SYT1: variants seen among roughly 807,000 people sequenced by gnomAD.
The protein encoded by SYT1 is synaptotagmin 1.
A neutral mutation model predicts 44.8 loss-of-function variants in SYT1; 8 were observed. The observed-to-expected ratio is 0.18, with a 90% CI of 0.10 to 0.32. The LOEUF (loss-of-function observed/expected upper bound fraction) is 0.32, where lower values mean the gene tolerates loss of function less well. Ranked by LOEUF, SYT1 falls within the 10% of genes least tolerant of loss-of-function variation. The pLI, the probability that SYT1 is intolerant of heterozygous loss-of-function variation, is 1.00. For missense variants in SYT1, 286 were observed against 509.3 expected, an observed-to-expected ratio of 0.56 and a Z score of 4.22; for synonymous variants, 154 against 188.8, an observed-to-expected ratio of 0.82 and a Z score of 1.51.
chr12:79,110,677 T>A (rs1013903105), intron 3 of SYT1, among the ~76,000 whole-genome samples: 8 of 152,254 alleles, frequency 5.3e-5, no homozygotes, highest in African/African-American at 7.2e-5. Context: ...ATACATTTTT[T>A]AAAAATTTAT....
At position 78,971,770 on chromosome 12, in the gene SYT1, G is replaced by C. The variant is rs1342359915; in HGVS notation, c.-216-6029G>C. On this transcript the variant is annotated intron_variant, in intron 1 of 10. Transcript: ENST00000261205. ...TAGCAGAGGCAATGTATAATGAAAAGGGCACTTTTCACTGACTAGACTGAG... is the reference window on the plus strand; with the variant it reads ...TAGCAGAGGCAATGTATAATGAAAACGGCACTTTTCACTGACTAGACTGAG... 2.6e-5 allele frequency among the ~76,000 whole-genome samples: 4 copies of C among 152,190 alleles called. No homozygotes were observed. In the East Asian group the frequency reaches 7.7e-4, roughly 29 times the overall value.
chr12:79,305,410 G>A (rs895109053), intron 8 of SYT1, among the ~76,000 whole-genome samples: 9 of 151,930 alleles, frequency 5.9e-5, no homozygotes, highest in Non-Finnish European at 1.3e-4. Flanking sequence ...CCACCCAAAG[G>A]TCTGGTCTCA....
At chr12:79,171,029 C>T (rs1871487965) in intron 3 of SYT1, among the ~76,000 whole-genome samples, 1 of 151,998 alleles carries the variant, frequency 6.6e-6, no homozygotes, top group Admixed American at 6.6e-5. Context: ...TCCGGATTCT[C>T]TATTCTGTTC....
intron 2 of SYT1, among the ~76,000 whole-genome samples, chr12:78,981,105 G>A (rs1223179391): frequency 6.9e-6 from 1 of 145,844 alleles, no homozygotes; most frequent in Non-Finnish European, 1.5e-5. Context: ...GTTTTTTGTT[G>A]TTGTTTTGTT....
chr12:79,290,332 T>A (rs1460267297), intron 5 of SYT1, among the ~76,000 whole-genome samples: 1 of 152,148 alleles, frequency 6.6e-6, no homozygotes, highest in African/African-American at 2.4e-5. Context: ...TTAGAAAATC[T>A]TGTAATTTCA....
chr12:79,305,782 C>A (rs7960281), intron 8 of SYT1, among the ~76,000 whole-genome samples: 1 of 152,082 alleles, frequency 6.6e-6, no homozygotes. Context: ...TGCAACCCCC[C>A]GCCTCCCGGG....
At chr12:79,216,892 A>G (rs1393214940) in intron 3 of SYT1, among the ~76,000 whole-genome samples, 1 of 152,196 alleles carries the variant, frequency 6.6e-6, no homozygotes, top group Non-Finnish European at 1.5e-5. Flanking sequence ...TATTGATCAG[A>G]GTATTGTTTA....
chr12:79,245,485 A>C (rs1056063105), intron 4 of SYT1, among the ~76,000 whole-genome samples: 1 of 148,898 alleles, frequency 6.7e-6, no homozygotes, highest in Non-Finnish European at 1.5e-5. Context: ...AAAAAAAAAA[A>C]AAAAGAAAAG....
At chr12:79,425,139 A>G (rs1042528609) in intron 9 of SYT1, among the ~76,000 whole-genome samples, 1 of 151,526 alleles carries the variant, frequency 6.6e-6, no homozygotes, top group African/African-American at 2.4e-5. Flanking sequence ...TGGCATTTTT[A>G]TATTTGTTCT....
At chr12:79,070,648 A>T (rs545650182) in intron 3 of SYT1, among the ~76,000 whole-genome samples, 1 of 151,966 alleles carries the variant, frequency 6.6e-6, no homozygotes, top group Non-Finnish European at 1.5e-5. Context: ...AACTAGAAAG[A>T]TGTACTAAAG....
chr12:78,866,784 T>C (rs747410072), intron 1 of SYT1, among the ~76,000 whole-genome samples: 8 of 152,154 alleles, frequency 5.3e-5, no homozygotes, highest in Non-Finnish European at 1.0e-4. Flanking sequence ...CTTTTTTTTG[T>C]CTAGAACTCC....
chr12:78,894,849 CA>C (rs149724436), intron 1 of SYT1, among the ~76,000 whole-genome samples: 7,665 of 151,608 alleles, frequency 0.051, 246 homozygotes, highest in Non-Finnish European at 0.072. Context: ...TATTGTACAT[CA>C]TGATGACTGT....
At chr12:79,138,675 A>G (rs1195031896) in intron 3 of SYT1, among the ~76,000 whole-genome samples, 1 of 152,024 alleles carries the variant, frequency 6.6e-6, no homozygotes, top group African/African-American at 2.4e-5. Flanking sequence ...GTGTGCATGC[A>G]TGCATATGCA....
chr12:79,187,434 A>T (rs1473618929), intron 3 of SYT1, among the ~76,000 whole-genome samples: 2 of 152,046 alleles, frequency 1.3e-5, no homozygotes, highest in Non-Finnish European at 2.9e-5. Context: ...GTCTATCTTT[A>T]GTTTTTATGT....
intron 4 of SYT1, among the ~76,000 whole-genome samples, chr12:79,280,483 C>A (rs1300506764): frequency 7.6e-6 from 1 of 132,152 alleles, no homozygotes; most frequent in Non-Finnish European, 1.7e-5. Context: ...TATCTCTGAC[C>A]ATATACAAAA....
intron 2 of SYT1, among the ~76,000 whole-genome samples, chr12:79,002,206 T>A (rs1242707113): frequency 6.6e-6 from 1 of 152,092 alleles, no homozygotes; most frequent in Non-Finnish European, 1.5e-5. Context: ...TTAAAAAAAT[T>A]TGCAGAAATA....
chr12:79,100,365 A>G (rs2138046811), intron 3 of SYT1, among the ~76,000 whole-genome samples: 1 of 152,270 alleles, frequency 6.6e-6, no homozygotes, highest in East Asian at 1.9e-4. Flanking sequence ...TATATCTTAA[A>G]GGTTTTTCAG....
chr12:79,393,560 G>A (rs1314132063), intron 9 of SYT1: 1 of 152,198 alleles, frequency 6.6e-6, no homozygotes, highest in African/African-American at 2.4e-5. Context: ...GACCAGTGAT[G>A]ATGAGCATTT....
chr12:79,174,229 C>T (rs1212904612), intron 3 of SYT1, among the ~76,000 whole-genome samples: 2 of 151,946 alleles, frequency 1.3e-5, no homozygotes, highest in African/African-American at 2.4e-5. Flanking sequence ...AATGTTGGCA[C>T]AATGTGGTGT....
Sources: gnomAD v4.1 joint callset for allele counts (sites outside exome capture counted in the v4.1 genomes callset) on GRCh38, gnomAD v4.1.1 for gene constraint, MANE v1.5 for transcripts, NCBI Gene and HGNC (gene_info 2026-07-23, HGNC 2026-07-21) for gene names.